Variants in ERAP1 observed in about 807,000 individuals in gnomAD.
The protein encoded by ERAP1 is endoplasmic reticulum aminopeptidase 1.
A neutral mutation model predicts 103.7 loss-of-function variants in ERAP1; 86 were observed. The ratio of observed to expected loss-of-function variants is 0.83; its 90% CI spans 0.70 to 0.99. ERAP1 has a LOEUF of 0.99. ERAP1 is among the 50% of genes least tolerant of loss of function. The pLI is 0.00. For missense variants in ERAP1, 1,009 were observed against 1,128.4 expected (o/e 0.89, Z 1.52); for synonymous variants, 398 against 402.4 (o/e 0.99, Z 0.13).
At chr5:96,833,433 T>A in the ERAP1 span, among the ~76,000 whole-genome samples, 3 of 152,204 alleles carry the variant, frequency 2.0e-5, no homozygotes, top group African/African-American at 7.2e-5. Context: ...AAAAGGGTTT[T>A]TTGTATGTGG....
chr5:96,895,463 G>C, the ERAP1 span: 1 of 835,898 alleles, frequency 1.2e-6, no homozygotes, highest in Admixed American at 2.4e-5. Flanking sequence ...ATAATGTTGT[G>C]GTTTTTGAAC....
the ERAP1 span, among the ~76,000 whole-genome samples, chr5:96,927,948 C>G: frequency 6.6e-6 from 1 of 152,030 alleles, no homozygotes. Flanking sequence ...CTCTTTTGCC[C>G]AGGCTGGAGT....
the ERAP1 span, among the ~76,000 whole-genome samples, chr5:96,839,189 G>C: frequency 6.6e-6 from 1 of 152,222 alleles, no homozygotes; most frequent in Non-Finnish European, 1.5e-5. Context: ...CATCCTTGTG[G>C]TACGTAAAAG....
chr5:96,797,904 C>G (rs1219369716), intron 3 of ERAP1, among the ~76,000 whole-genome samples: 1 of 152,118 alleles, frequency 6.6e-6, no homozygotes, highest in Non-Finnish European at 1.5e-5. Flanking sequence ...TGTGGCTGAT[C>G]CACTTTTCCT....
intron 1 of ERAP1, among the ~76,000 whole-genome samples, chr5:96,806,982 T>C (rs900176656): frequency 5.9e-4 from 13 of 21,880 alleles, no homozygotes; most frequent in Non-Finnish European, 7.4e-4. Context: ...TTTTGTTTTG[T>C]TTTGTTGTTT....
the ERAP1 span, among the ~76,000 whole-genome samples, chr5:96,888,755 C>T: frequency 3.9e-5 from 6 of 152,170 alleles, no homozygotes; most frequent in African/African-American, 1.4e-4. Context: ...GAGGGCGGAT[C>T]CAATAAGTTC....
chr5:96,886,823 GAA>G, the ERAP1 span: 1 of 1,376,038 alleles, frequency 7.3e-7, no homozygotes, highest in Non-Finnish European at 9.5e-7. Flanking sequence ...ACGCAGTGCA[GAA>G]AAGTGTCCTG....
chr5:96,855,390 T>C, the ERAP1 span, among the ~76,000 whole-genome samples: 1 of 152,238 alleles, frequency 6.6e-6, no homozygotes, highest in Admixed American at 6.5e-5. Context: ...ACAGAGATTC[T>C]GTTGAAACTA....
At chr5:96,822,839 G>C in the ERAP1 span, 1 of 285,750 alleles carries the variant, frequency 3.5e-6, no homozygotes, top group Non-Finnish European at 7.0e-6. Flanking sequence ...TTATCTCACA[G>C]TTTCTGAGGG....
At chr5:96,834,150 C>T in the ERAP1 span, among the ~76,000 whole-genome samples, 2 of 152,190 alleles carry the variant, frequency 1.3e-5, no homozygotes, top group South Asian at 2.1e-4. Context: ...GTGACTTCCG[C>T]AGTTAGTTAA....
the ERAP1 span, among the ~76,000 whole-genome samples, chr5:96,884,467 T>C: frequency 6.6e-6 from 1 of 151,780 alleles, no homozygotes; most frequent in Non-Finnish European, 1.5e-5. Context: ...TAGAAGTCTA[T>C]GATGGAACTT....
the ERAP1 span, among the ~76,000 whole-genome samples, chr5:96,863,067 C>T: frequency 2.6e-5 from 4 of 152,022 alleles, no homozygotes; most frequent in Admixed American, 6.6e-5. Flanking sequence ...ATAAGTATTT[C>T]TTCTTTTGTT....
the ERAP1 span, chr5:96,880,852 T>C: frequency 1.3e-5 from 2 of 159,484 alleles, no homozygotes; most frequent in African/African-American, 2.4e-5. Context: ...ATCAATAAAA[T>C]TGGCAAGGTA....
intron 19 of ERAP1, among the ~76,000 whole-genome samples, chr5:96,765,600 C>T (rs1335830426): frequency 1.3e-5 from 2 of 152,106 alleles, no homozygotes; most frequent in African/African-American, 4.8e-5. Context: ...GCAGTCAGCA[C>T]ATCCATTCAA....
intron 11 of ERAP1, among the ~76,000 whole-genome samples, chr5:96,787,969 G>A (rs1229219335): frequency 6.6e-6 from 1 of 152,082 alleles, no homozygotes; most frequent in Non-Finnish European, 1.5e-5. Context: ...ATAGGAATTT[G>A]TTGTGTTATT....
At chr5:96,783,806 T>C in intron 14 of ERAP1, 118 bp downstream of exon 14, 2 of 1,020,970 alleles carry the variant, frequency 2.0e-6, no homozygotes, top group East Asian at 2.7e-5. Flanking sequence ...TTCCTTAATA[T>C]GTATATAAAG....
chr5:96,816,031 C>G, the ERAP1 span, among the ~76,000 whole-genome samples: 3 of 152,108 alleles, frequency 2.0e-5, no homozygotes, highest in Non-Finnish European at 2.9e-5. Flanking sequence ...CACTGTTGTA[C>G]TAGGAACAAA....
chr5:96,808,358 C>T (rs1185273335), upstream of ERAP1, among the ~76,000 whole-genome samples: 2 of 150,562 alleles, frequency 1.3e-5, no homozygotes, highest in African/African-American at 4.9e-5. Flanking sequence ...AAGTTGGGGA[C>T]CGAAGCCAGG....
the ERAP1 span, among the ~76,000 whole-genome samples, chr5:96,840,729 C>T: frequency 2.7e-5 from 4 of 147,716 alleles, no homozygotes; most frequent in East Asian, 2.0e-4. Context: ...TTTTTTGAGA[C>T]GGAGTCTCGC....
Sources: gnomAD v4.1 joint callset for allele counts (sites outside exome capture counted in the v4.1 genomes callset) on GRCh38, gnomAD v4.1.1 for gene constraint, MANE v1.5 for transcripts, NCBI Gene and HGNC (gene_info 2026-07-23, HGNC 2026-07-21) for gene names.